The following DACH1 variants were observed in gnomAD, a reference collection of about 807,000 sequenced individuals.
DACH1 encodes dachshund family transcription factor 1, also known as dachshund homolog 1.
DACH1 carries 12 observed loss-of-function variants against 54.2 expected under a neutral mutation model. That is an observed-to-expected ratio of 0.22 (90% CI 0.14 to 0.36). The LOEUF (loss-of-function observed/expected upper bound fraction) is 0.36. DACH1 is among the 10% of genes least tolerant of loss of function. The pLI is 1.00. For synonymous variants in DACH1, 386 were observed against 366.2 expected, an observed-to-expected ratio of 1.05 and a Z score of -0.62; for missense variants, 805 against 929.8, an observed-to-expected ratio of 0.87 and a Z score of 1.75.
intron 1 of DACH1, among the ~76,000 whole-genome samples, chr13:71,777,937 T>G (rs1446278349): frequency 6.6e-6 from 1 of 151,716 alleles, no homozygotes; most frequent in African/African-American, 2.4e-5. Context: ...GGTAAAATGG[T>G]AAAACCTCAT....
Position 71,866,858 on chromosome 13 carries a change from G to C in DACH1, c.-89C>G. On this transcript the variant is annotated 5_prime_UTR_variant, in exon 1 of 11. Transcript: ENST00000613252. ...GAGGGGAAGGGGAAAAAAGGGGGGA[G>C]AAGGAGCGAGGGGGGCAACAACAAC... 23 of 925,016 alleles carry C rather than the reference G, an allele frequency of 2.5e-5. No individual in the cohort carries two copies. Among genetic ancestry groups the C allele is most frequent in the East Asian group, 1.2e-4 (2 of 16,990 alleles). The allele number at this position is 925,016 out of a possible 1,614,324, so 57.3% of individuals were successfully genotyped here.
chr13:71,866,437 C>G lies in DACH1; in HGVS notation c.333G>C (p.Ala111=). 7.4e-7 allele frequency: 1 copy of G among 1,357,544 alleles called. No individual in the cohort carries two copies. Among genetic ancestry groups the G allele is most frequent in the Non-Finnish European group, 9.6e-7 (1 of 1,037,922 alleles). The allele number at this position is 1,357,544 out of a possible 1,614,324, so 84.1% of individuals were successfully genotyped here. A position where few individuals can be genotyped will look rare whatever the true frequency, so the allele number is the denominator to read the frequency against. ...GSNCNPNLAA[A]SNGSGGGGGG... is the part of the protein sequence containing the mutation. ...CGCCGCCGCCGCCGCTGCCGTTGCT[C>G]GCGGCCGCCAGGTTGGGGTTGCAGT... Residue 111 remains alanine (A), a synonymous_variant, in exon 1 of 11, where the codon GCG becomes GCC. Transcript: ENST00000613252.
intron 1 of DACH1, among the ~76,000 whole-genome samples, chr13:71,777,035 C>A (rs1312854422): frequency 6.6e-6 from 1 of 152,160 alleles, no homozygotes; most frequent in African/African-American, 2.4e-5. Flanking sequence ...CCAAATTATG[C>A]TATCTATTCT....
chr13:71,560,101 A>G, intron 4 of DACH1, 146 bp from the exon 5 acceptor site: 1 of 962,958 alleles, frequency 1.0e-6, no homozygotes, highest in African/African-American at 1.7e-5. Flanking sequence ...GTACTAAAAG[A>G]TATGTTTATC....
At chr13:71,600,627 C>G (rs1490660128) in intron 3 of DACH1, among the ~76,000 whole-genome samples, 2 of 151,948 alleles carry the variant, frequency 1.3e-5, no homozygotes, top group Admixed American at 6.6e-5. Flanking sequence ...GGATCCACTA[C>G]AGTTTTATTC....
At chr13:71,672,304 T>G (rs1009575005) in intron 2 of DACH1, among the ~76,000 whole-genome samples, 1 of 152,144 alleles carries the variant, frequency 6.6e-6, no homozygotes, top group African/African-American at 2.4e-5. Context: ...AATGAATAAG[T>G]AGGATAATAA....
chr13:71,635,147 T>C (rs1877382902), intron 2 of DACH1, among the ~76,000 whole-genome samples: 1 of 152,236 alleles, frequency 6.6e-6, no homozygotes, highest in Non-Finnish European at 1.5e-5. Context: ...AACATGGTCA[T>C]TATTTTGGCA....
intron 1 of DACH1, among the ~76,000 whole-genome samples, chr13:71,700,879 T>C (rs189903241): frequency 2.5e-4 from 38 of 152,300 alleles, no homozygotes; most frequent in African/African-American, 8.2e-4. Context: ...TTAAGAGAAG[T>C]TCAAAGTAAA....
At chr13:71,799,261 A>ATTT (rs1171194334) in intron 1 of DACH1, among the ~76,000 whole-genome samples, 2 of 152,144 alleles carry the variant, frequency 1.3e-5, no homozygotes, top group Non-Finnish European at 2.9e-5. Context: ...AGTAATTACT[A>ATTT]AATGCTGGTA....
intron 1 of DACH1, among the ~76,000 whole-genome samples, chr13:71,728,409 G>A (rs975160145): frequency 5.3e-4 from 80 of 151,924 alleles, no homozygotes; most frequent in African/African-American, 1.9e-3. Flanking sequence ...TTTTGCTCCC[G>A]AAGAGTCTAA....
chr13:71,778,504 G>A (rs1385804423), intron 1 of DACH1, among the ~76,000 whole-genome samples: 4 of 151,858 alleles, frequency 2.6e-5, no homozygotes, highest in Non-Finnish European at 5.9e-5. Context: ...TTATAATGTT[G>A]AACAAATGTC....
chr13:71,731,256 A>ACTTAAC (rs1883727468), intron 1 of DACH1, among the ~76,000 whole-genome samples: 1 of 151,124 alleles, frequency 6.6e-6, no homozygotes, highest in Non-Finnish European at 1.5e-5. Context: ...TAAGCAAGCC[A>ACTTAAC]CTTAACTTCT....
chr13:71,692,629 T>A (rs145863502), intron 1 of DACH1, among the ~76,000 whole-genome samples: 2,023 of 148,152 alleles, frequency 0.014, 28 homozygotes, highest in African/African-American at 0.035. Context: ...TTCAAGCGAT[T>A]CTTCTGCCTC....
intron 1 of DACH1, among the ~76,000 whole-genome samples, chr13:71,691,478 T>G (rs1881472652): frequency 6.6e-6 from 1 of 152,222 alleles, no homozygotes; most frequent in African/African-American, 2.4e-5. Flanking sequence ...GTAAAATGAC[T>G]TACCTAATAT....
At chr13:71,566,596 T>C (rs1319152009) in intron 4 of DACH1, among the ~76,000 whole-genome samples, 2 of 152,156 alleles carry the variant, frequency 1.3e-5, no homozygotes, top group Non-Finnish European at 2.9e-5. Flanking sequence ...TCCCCCCAAA[T>C]TCTCCAAATG....
At chr13:71,775,607 T>C (rs2138047922) in intron 1 of DACH1, among the ~76,000 whole-genome samples, 1 of 152,252 alleles carries the variant, frequency 6.6e-6, no homozygotes, top group Admixed American at 6.5e-5. Context: ...ATATGTAACA[T>C]TGTCTTAGTT....
chr13:71,762,314 A>G (rs1420749552), intron 1 of DACH1, among the ~76,000 whole-genome samples: 2 of 152,154 alleles, frequency 1.3e-5, no homozygotes, highest in Non-Finnish European at 2.9e-5. Flanking sequence ...TCTTCTGGGG[A>G]CTAGGACATT....
At chr13:71,696,174 T>G (rs907390292) in intron 1 of DACH1, among the ~76,000 whole-genome samples, 1 of 152,174 alleles carries the variant, frequency 6.6e-6, no homozygotes, top group Admixed American at 6.5e-5. Context: ...TGTTCCTATG[T>G]GACACACCTG....
intron 1 of DACH1, among the ~76,000 whole-genome samples, chr13:71,827,024 GTAT>G (rs912125859): frequency 1.3e-5 from 2 of 151,996 alleles, no homozygotes; most frequent in Non-Finnish European, 2.9e-5. Flanking sequence ...GAGAGTGGGA[GTAT>G]TATTATTATC....
Sources: gnomAD v4.1 joint callset for allele counts (sites outside exome capture counted in the v4.1 genomes callset) on GRCh38, gnomAD v4.1.1 for gene constraint, MANE v1.5 for transcripts, NCBI Gene and HGNC (gene_info 2026-07-23, HGNC 2026-07-21) for gene names.